TANGO6: variants seen among roughly 807,000 people sequenced by gnomAD.
TANGO6 encodes the protein transport and Golgi organization protein 6 homolog.
Under a neutral mutation model 114.2 loss-of-function variants are expected in TANGO6, and 90 were observed. The observed-to-expected ratio is 0.79, with a 90% CI of 0.66 to 0.94. TANGO6 has a LOEUF of 0.94. TANGO6 is among the 40% of genes least tolerant of loss of function. The probability of loss-of-function intolerance (pLI) is 0.00; values close to 1 mark genes in which losing one functional copy is unlikely to be tolerated. For synonymous variants in TANGO6, 477 were observed against 509.8 expected, an observed-to-expected ratio of 0.94 and a Z score of 0.87; for missense variants, 1,274 against 1,315.3, an observed-to-expected ratio of 0.97 and a Z score of 0.49.
intron 17 of TANGO6, among the ~76,000 whole-genome samples, chr16:69,055,718 G>A (rs755816508): frequency 3.3e-5 from 5 of 152,220 alleles, no homozygotes; most frequent in South Asian, 2.1e-4. Flanking sequence ...CCAAATCCAC[G>A]TGATGTTAGT....
intron 11 of TANGO6, among the ~76,000 whole-genome samples, chr16:68,910,442 G>A (rs1244430432): frequency 6.6e-6 from 1 of 152,096 alleles, no homozygotes; most frequent in African/African-American, 2.4e-5. Flanking sequence ...TTTTGTCTCA[G>A]GATGCTAGTT....
chr16:68,956,355 T>C (rs1490496414), intron 14 of TANGO6, among the ~76,000 whole-genome samples: 1 of 152,196 alleles, frequency 6.6e-6, no homozygotes, highest in East Asian at 1.9e-4. Flanking sequence ...GTGGGTTTCA[T>C]GGCTTTGAAG....
rs371208628 is a variant in TANGO6, at chr16:68,953,651, G to A, written c.2702-20377G>A. Among the ~76,000 whole-genome samples the A allele has an allele frequency of 3.3e-5, 5 of 152,136 alleles. No individual in the cohort carries two copies. In the South Asian group the frequency reaches 6.2e-4, roughly 19 times the overall value. On this transcript the variant is annotated intron_variant, in intron 14 of 17. Coordinates refer to ENST00000261778, the MANE Select transcript of TANGO6 (RefSeq NM_024562.2). Reference sequence around the variant, plus strand: ...GCTCCAGGGCAAAATTTAAATAGCCGTTCTGTAGGGAAGATACTTAGACCT... The same window carrying A: ...GCTCCAGGGCAAAATTTAAATAGCCATTCTGTAGGGAAGATACTTAGACCT...
chr16:68,868,161 A>AT (rs1485726194), intron 4 of TANGO6, among the ~76,000 whole-genome samples: 16 of 150,798 alleles, frequency 1.1e-4, no homozygotes, highest in Non-Finnish European at 2.2e-4. Flanking sequence ...AAAAAAAAAA[A>AT]GTTAAATGTA....
chr16:69,046,163 C>T (rs577058510), intron 17 of TANGO6, among the ~76,000 whole-genome samples: 1 of 151,882 alleles, frequency 6.6e-6, no homozygotes, highest in African/African-American at 2.4e-5. Flanking sequence ...TCATAATGTC[C>T]AGGATACAAC....
chr16:68,960,974 C>G (rs761109903), intron 14 of TANGO6, among the ~76,000 whole-genome samples: 1 of 152,158 alleles, frequency 6.6e-6, no homozygotes, highest in Non-Finnish European at 1.5e-5. Context: ...TTTCCGTTAT[C>G]CCTAATGTTG....
chr16:68,861,354 T>A (rs1466413271), intron 2 of TANGO6, among the ~76,000 whole-genome samples: 3 of 152,240 alleles, frequency 2.0e-5, no homozygotes, highest in African/African-American at 4.8e-5. Flanking sequence ...GTCACCCGCC[T>A]GTGTCATCGT....
intron 14 of TANGO6, among the ~76,000 whole-genome samples, chr16:68,962,547 C>T (rs543391856): frequency 6.6e-5 from 10 of 152,104 alleles, no homozygotes; most frequent in Non-Finnish European, 1.2e-4. Context: ...GGGCCGATCA[C>T]CTGAGGTCGG....
chr16:68,882,815 A>G lies in TANGO6; in HGVS notation c.1377+2185A>G, dbSNP rs376853408. Among the ~76,000 whole-genome samples the G allele has an allele frequency of 1.3e-4, 20 of 152,156 alleles. No individual in the cohort carries two copies. In the East Asian group the frequency reaches 2.1e-3, roughly 16 times the overall value. ...GGGCGGATCATGAGGTCAGTAGATC[A>G]AGACCATCCTGACTAACATGGTGAA... On this transcript the variant is annotated intron_variant, in intron 7 of 17. Transcript: ENST00000261778.
intron 13 of TANGO6, among the ~76,000 whole-genome samples, chr16:68,929,615 A>G (rs1249814609): frequency 6.6e-6 from 1 of 152,204 alleles, no homozygotes; most frequent in Non-Finnish European, 1.5e-5. Flanking sequence ...GTTGGGGCCT[A>G]AACCTAACAT....
chr16:68,879,127 CTT>C (rs1962417291), intron 6 of TANGO6, among the ~76,000 whole-genome samples: 1 of 151,934 alleles, frequency 6.6e-6, no homozygotes, highest in Admixed American at 6.6e-5. Context: ...AATAGAAAGA[CTT>C]ATTATAAAAC....
At chr16:69,027,739 T>G (rs898165426) in intron 16 of TANGO6, among the ~76,000 whole-genome samples, 2 of 151,914 alleles carry the variant, frequency 1.3e-5, no homozygotes, top group Non-Finnish European at 1.5e-5. Context: ...CTGTAAACTG[T>G]GTACTAAAAC....
chr16:69,008,192 G>A (rs1417989865), intron 15 of TANGO6, among the ~76,000 whole-genome samples: 1 of 151,796 alleles, frequency 6.6e-6, no homozygotes, highest in East Asian at 1.9e-4. Flanking sequence ...GCAGAAAATC[G>A]AGAGAGTTTC....
At chr16:68,994,909 C>G (rs1263884007) in intron 15 of TANGO6, among the ~76,000 whole-genome samples, 1 of 151,964 alleles carries the variant, frequency 6.6e-6, no homozygotes, top group Non-Finnish European at 1.5e-5. Context: ...AATAAGGAGA[C>G]TATTTAATGC....
At chr16:68,850,606 T>C (rs911973357) in intron 1 of TANGO6, among the ~76,000 whole-genome samples, 28 of 152,336 alleles carry the variant, frequency 1.8e-4, no homozygotes, top group Non-Finnish European at 2.5e-4. Context: ...TAACTTAATA[T>C]AGAGTAGGAG....
intron 15 of TANGO6, among the ~76,000 whole-genome samples, chr16:68,975,822 G>A (rs1963760387): frequency 6.6e-6 from 1 of 152,106 alleles, no homozygotes. Flanking sequence ...CTCCCAAAGT[G>A]CTGGGATTAC....
chr16:68,920,571 T>C (rs1351895548), intron 12 of TANGO6, among the ~76,000 whole-genome samples: 1 of 152,130 alleles, frequency 6.6e-6, no homozygotes, highest in African/African-American at 2.4e-5. Flanking sequence ...TCTTATGAAA[T>C]CTACCCTGCA....
intron 16 of TANGO6, 124 bp downstream of exon 16, chr16:69,023,103 G>A: frequency 9.7e-7 from 1 of 1,028,060 alleles, no homozygotes; most frequent in Non-Finnish European, 1.4e-6. Context: ...CTGTGAGACA[G>A]GGCAAGTGAG....
intron 7 of TANGO6, among the ~76,000 whole-genome samples, chr16:68,893,373 A>G (rs1962655465): frequency 1.3e-5 from 2 of 152,170 alleles, no homozygotes; most frequent in African/African-American, 4.8e-5. Flanking sequence ...AGACATACCC[A>G]ACCATTATAC....
Sources: gnomAD v4.1 joint callset for allele counts (sites outside exome capture counted in the v4.1 genomes callset) on GRCh38, gnomAD v4.1.1 for gene constraint, MANE v1.5 for transcripts, NCBI Gene and HGNC (gene_info 2026-07-23, HGNC 2026-07-21) for gene names.